The following DOCK9 variants were observed in gnomAD, a reference collection of about 807,000 sequenced individuals.
DOCK9 encodes the protein dedicator of cytokinesis 9, also known as dedicator of cytokinesis protein 9.
A neutral mutation model predicts 263.3 loss-of-function variants in DOCK9; 89 were observed. The ratio of observed to expected loss-of-function variants is 0.34; its 90% CI spans 0.28 to 0.40. The LOEUF is 0.40. DOCK9 is among the 10% of genes least tolerant of loss of function. The pLI is 1.00. For missense variants in DOCK9, 2,140 were observed against 2,603.4 expected (o/e 0.82, Z 3.87); for synonymous variants, 976 against 973.1 (o/e 1.00, Z -0.06).
intron 2 of DOCK9, among the ~76,000 whole-genome samples, chr13:98,940,793 A>G (rs1657369709): frequency 6.6e-6 from 1 of 152,086 alleles, no homozygotes; most frequent in South Asian, 2.1e-4. Context: ...AAGTACCCAC[A>G]GCGATGCACA....
chr13:98,852,254 C>T (rs1794009444), intron 35 of DOCK9, among the ~76,000 whole-genome samples: 1 of 152,106 alleles, frequency 6.6e-6, no homozygotes, highest in African/African-American at 2.4e-5. Flanking sequence ...AGACTAAGTG[C>T]CCTGTGCTAG....
rs2047600227 is a variant in DOCK9, at chr13:98,897,383, C to G, written c.1709+105G>C. 5 of 1,423,128 alleles carry G rather than the reference C, an allele frequency of 3.5e-6. No homozygotes were observed. In the Admixed American group the frequency reaches 6.3e-5, roughly 18 times the overall value. The allele number at this position is 1,423,128 out of a possible 1,614,324, so 88.2% of individuals were successfully genotyped here. Reference sequence around the variant, plus strand: ...ATGCTTCACGCTCATTTGCCATCCCCTCTGATGTCTAAATCGAGCAACCTA... The same window carrying G: ...ATGCTTCACGCTCATTTGCCATCCCGTCTGATGTCTAAATCGAGCAACCTA... On this transcript the variant is annotated intron_variant, in intron 15 of 52. Transcript: ENST00000682017.
chr13:99,074,642 C>A (rs910684596), intron 1 of DOCK9, among the ~76,000 whole-genome samples: 1 of 152,290 alleles, frequency 6.6e-6, no homozygotes, highest in South Asian at 2.1e-4. Context: ...AACAGATGAG[C>A]CAATCAATAG....
At chr13:98,980,320 T>C (rs935599853), upstream of DOCK9, among the ~76,000 whole-genome samples, 1 of 152,288 alleles carries the variant, frequency 6.6e-6, no homozygotes, top group African/African-American at 2.4e-5. Context: ...AAAGATTGTT[T>C]ATTTAATCTT....
chr13:99,031,198 G>T (rs1887307303), intron 1 of DOCK9, among the ~76,000 whole-genome samples: 1 of 151,912 alleles, frequency 6.6e-6, no homozygotes, highest in African/African-American at 2.4e-5. Flanking sequence ...TTCTGCAATA[G>T]AATCGCAATT....
chr13:99,045,727 C>CA (rs1304523012), intron 1 of DOCK9, among the ~76,000 whole-genome samples: 2 of 151,734 alleles, frequency 1.3e-5, no homozygotes, highest in Non-Finnish European at 1.5e-5. Context: ...GAATTTTTGT[C>CA]AAAAAATGCA....
chr13:98,964,033 C>T (rs917376447), intron 1 of DOCK9, among the ~76,000 whole-genome samples: 7 of 152,198 alleles, frequency 4.6e-5, no homozygotes, highest in African/African-American at 1.4e-4. Flanking sequence ...ATGTGATTAG[C>T]AGTATGAGTT....
At chr13:98,868,509 AC>A in intron 27 of DOCK9, 132 bp from the exon 28 acceptor site, 1 of 1,064,790 alleles carries the variant, frequency 9.4e-7, no homozygotes, top group Non-Finnish European at 1.3e-6. Context: ...CACACTTGTA[AC>A]CCCAGCACTT....
chr13:99,050,627 A>G (rs2040646754), intron 1 of DOCK9, among the ~76,000 whole-genome samples: 1 of 152,090 alleles, frequency 6.6e-6, no homozygotes, highest in South Asian at 2.1e-4. Context: ...CTGGAGGGGG[A>G]GGTTGCAGTG....
In DOCK9 at chr13:98,944,382, GAAAAAA is replaced by G. The variant is rs59677048; in HGVS notation, c.243+11047_243+11052del. On this transcript the variant is annotated intron_variant, in intron 2 of 52. Transcript: ENST00000682017. ...TCACGTCACAGTGTCCACTATATGAGAAAAAAAAAAAAAAAAAAAGCTACTACCCTC... is the reference window on the plus strand; with the variant it reads ...TCACGTCACAGTGTCCACTATATGAGAAAAAAAAAAAAAGCTACTACCCTC... Among the ~76,000 whole-genome samples, 11 of 73,184 alleles carry G rather than the reference GAAAAAA, an allele frequency of 1.5e-4. No homozygotes were observed. The South Asian group carries it at 5.5e-3, about 37-fold the overall frequency. 48.0% of individuals were successfully genotyped at this position (73,184 alleles called of 152,430 possible). A position where few individuals can be genotyped will look rare whatever the true frequency, so the allele number is the denominator to read the frequency against.
intron 1 of DOCK9, among the ~76,000 whole-genome samples, chr13:99,009,657 G>A (rs567767573): frequency 5.7e-4 from 87 of 151,624 alleles, no homozygotes; most frequent in Non-Finnish European, 1.0e-3. Context: ...GCCAGCCCCC[G>A]AGATCCCACC....
chr13:98,995,993 G>A (rs1880943183), intron 1 of DOCK9, among the ~76,000 whole-genome samples: 1 of 152,122 alleles, frequency 6.6e-6, no homozygotes, highest in African/African-American at 2.4e-5. Context: ...GGTAAGCACG[G>A]TGCAGATCAT....
exon 1 of DOCK9, chr13:99,086,332 A>G (rs1187924895): frequency 1.4e-6 from 2 of 1,459,548 alleles, no homozygotes; most frequent in East Asian, 3.0e-5. Context: ...CGAGGCGGGG[A>G]GCAGCGGCGG....
chr13:99,045,597 C>A (rs903220835), intron 1 of DOCK9, among the ~76,000 whole-genome samples: 1 of 152,056 alleles, frequency 6.6e-6, no homozygotes, highest in East Asian at 1.9e-4. Flanking sequence ...AAATAAATAG[C>A]TGAGAGTAGA....
intron 1 of DOCK9, among the ~76,000 whole-genome samples, chr13:98,990,852 A>C (rs756379440): frequency 1.3e-5 from 2 of 152,226 alleles, no homozygotes; most frequent in South Asian, 2.1e-4. Flanking sequence ...CTCTCACTAA[A>C]GTAGTCAAAA....
At chr13:98,837,973 G>A (rs895129433) in intron 38 of DOCK9, among the ~76,000 whole-genome samples, 19 of 152,144 alleles carry the variant, frequency 1.2e-4, no homozygotes, top group Non-Finnish European at 2.5e-4. Flanking sequence ...TGGAGATAAG[G>A]AAATGAAGGC....
chr13:98,947,801 C>T (rs574226411), intron 2 of DOCK9, among the ~76,000 whole-genome samples: 2 of 152,228 alleles, frequency 1.3e-5, no homozygotes, highest in East Asian at 3.9e-4. Context: ...CCACTGCACC[C>T]GGCCCAGAAA....
At chr13:99,066,935 C>T (rs969128268) in intron 1 of DOCK9, among the ~76,000 whole-genome samples, 1 of 152,144 alleles carries the variant, frequency 6.6e-6, no homozygotes, top group African/African-American at 2.4e-5. Flanking sequence ...TGAATAACAG[C>T]CATATTAAAC....
chr13:99,026,745 G>A (rs953672773), intron 1 of DOCK9, among the ~76,000 whole-genome samples: 5 of 146,788 alleles, frequency 3.4e-5, no homozygotes, highest in Non-Finnish European at 7.7e-5. Flanking sequence ...TCAGAGGAGG[G>A]ATGGAAAAAG....
Sources: gnomAD v4.1 joint callset for allele counts (sites outside exome capture counted in the v4.1 genomes callset) on GRCh38, gnomAD v4.1.1 for gene constraint, MANE v1.5 for transcripts, NCBI Gene and HGNC (gene_info 2026-07-23, HGNC 2026-07-21) for gene names.